The following CALN1 variants were observed in gnomAD, a reference collection of about 807,000 sequenced individuals.
CALN1 encodes calcium-binding protein 8.
In CALN1, 17 loss-of-function variants were observed where a neutral mutation model predicts 30.6. The ratio of observed to expected loss-of-function variants is 0.56; its 90% confidence interval spans 0.38 to 0.83. CALN1 has a LOEUF of 0.83. CALN1 is among the 40% of genes least tolerant of loss of function. CALN1 has a pLI of 0.00. For synonymous variants in CALN1, 156 were observed against 131.4 expected, an observed-to-expected ratio of 1.19 and a Z score of -1.28; for missense variants, 291 against 354.9, an observed-to-expected ratio of 0.82 and a Z score of 1.45.
chr7:72,291,977 G>A (rs1248275451), intron 2 of CALN1, among the ~76,000 whole-genome samples: 1 of 151,356 alleles, frequency 6.6e-6, no homozygotes, highest in Non-Finnish European at 1.5e-5. Flanking sequence ...ACTTCAGCCT[G>A]GGTGACAGAA....
chr7:72,348,140 A>G (rs1802741017), intron 2 of CALN1, among the ~76,000 whole-genome samples: 1 of 152,160 alleles, frequency 6.6e-6, no homozygotes, highest in Non-Finnish European at 1.5e-5. Context: ...AAAGAAACTA[A>G]CGGCAAAAAC....
intron 2 of CALN1, among the ~76,000 whole-genome samples, chr7:72,400,222 C>T (rs1285224742): frequency 1.3e-5 from 2 of 152,308 alleles, no homozygotes; most frequent in East Asian, 3.9e-4. Flanking sequence ...ATAGTGGCAG[C>T]AGCTACGTTC....
intron 5 of CALN1, among the ~76,000 whole-genome samples, chr7:71,970,886 A>G (rs1797760409): frequency 6.6e-6 from 1 of 152,206 alleles, no homozygotes; most frequent in Non-Finnish European, 1.5e-5. Flanking sequence ...TGAGGCTGAT[A>G]GGTTCAGCAA....
rs573229264 is a variant in CALN1, at chr7:71,962,986, G to A, written c.501+60671C>T. 4.6e-5 allele frequency among the ~76,000 whole-genome samples: 7 copies of A among 152,148 alleles called. No homozygotes were observed. In the South Asian group the frequency reaches 1.5e-3, roughly 32 times the overall value. On this transcript the variant is annotated intron_variant, in intron 5 of 6. Transcript: ENST00000395275. Reference sequence around the variant, plus strand: ...TTCTCATATATAAGGATCTCAGTTTGGCCTTCAAATACTACAAAGAGGACA... The same window carrying A: ...TTCTCATATATAAGGATCTCAGTTTAGCCTTCAAATACTACAAAGAGGACA...
At chr7:71,934,533 C>G (rs1055334459) in intron 5 of CALN1, among the ~76,000 whole-genome samples, 1 of 152,118 alleles carries the variant, frequency 6.6e-6, no homozygotes, top group Non-Finnish European at 1.5e-5. Context: ...TGCCACGTGA[C>G]AAGAAAGGGA....
At chr7:71,904,630 C>T (rs887669806) in intron 5 of CALN1, among the ~76,000 whole-genome samples, 3 of 152,094 alleles carry the variant, frequency 2.0e-5, no homozygotes, top group Non-Finnish European at 2.9e-5. Flanking sequence ...AGAGCTCTAT[C>T]GTACAGCAAG....
the CALN1 span, among the ~76,000 whole-genome samples, chr7:72,493,339 C>A: frequency 6.8e-6 from 1 of 146,130 alleles, no homozygotes; most frequent in Non-Finnish European, 1.5e-5. Context: ...ATCAATTATT[C>A]TTTTTTTTTT....
chr7:72,189,019 G>GA (rs1052301894), intron 3 of CALN1, among the ~76,000 whole-genome samples: 2 of 152,130 alleles, frequency 1.3e-5, no homozygotes, highest in East Asian at 1.9e-4. Flanking sequence ...CTCCAGTGAG[G>GA]AAAAAGAGAG....
At chr7:72,077,751 C>T (rs1171355200) in intron 4 of CALN1, among the ~76,000 whole-genome samples, 1 of 152,166 alleles carries the variant, frequency 6.6e-6, no homozygotes, top group Non-Finnish European at 1.5e-5. Flanking sequence ...AGACCACACC[C>T]ATTGTGCTTG....
chr7:72,124,352 T>C (rs558377813), intron 3 of CALN1, among the ~76,000 whole-genome samples: 1 of 152,206 alleles, frequency 6.6e-6, no homozygotes, highest in African/African-American at 2.4e-5. Context: ...TTTGGAAAAT[T>C]AAAAAGCAGA....
intron 5 of CALN1, among the ~76,000 whole-genome samples, chr7:71,922,046 A>C (rs1454428202): frequency 6.6e-6 from 1 of 152,238 alleles, no homozygotes; most frequent in African/African-American, 2.4e-5. Flanking sequence ...ATTGTTGGCC[A>C]AACAGAGGTG....
chr7:72,287,105 AC>A (rs1256539612), intron 2 of CALN1, among the ~76,000 whole-genome samples: 1 of 152,176 alleles, frequency 6.6e-6, no homozygotes, highest in African/African-American at 2.4e-5. Flanking sequence ...CACATAATGC[AC>A]CCATGTACCC....
At chr7:71,818,954 C>A (rs867418204) in intron 5 of CALN1, among the ~76,000 whole-genome samples, 2 of 151,714 alleles carry the variant, frequency 1.3e-5, no homozygotes, top group Non-Finnish European at 2.9e-5. Flanking sequence ...GTGATCTGCC[C>A]GCCTCAGCCT....
intron 3 of CALN1, among the ~76,000 whole-genome samples, chr7:72,108,620 C>T (rs1281467458): frequency 6.6e-6 from 1 of 152,070 alleles, no homozygotes; most frequent in African/African-American, 2.4e-5. Context: ...TTGTTCTTAC[C>T]ATACACCCTG....
chr7:71,948,139 G>A (rs1796500713), intron 5 of CALN1, among the ~76,000 whole-genome samples: 1 of 152,054 alleles, frequency 6.6e-6, no homozygotes, highest in Non-Finnish European at 1.5e-5. Context: ...GCACCCCTGA[G>A]GAAGATGTTT....
chr7:72,106,096 TCA>T, intron 4 of CALN1, 53 bp downstream of exon 4: 1 of 1,586,416 alleles, frequency 6.3e-7, no homozygotes, highest in Non-Finnish European at 8.6e-7. Context: ...ACCGAAGGTC[TCA>T]CTGATGAGAC....
At chr7:72,035,400 TC>T (rs36004195) in intron 4 of CALN1, among the ~76,000 whole-genome samples, 97,974 of 151,986 alleles carry the variant, frequency 0.64, 32,022 homozygotes, top group East Asian at 0.76. Flanking sequence ...ATGCATAAAG[TC>T]CCTCAAGGTT....
chr7:72,262,352 T>C (rs1796323054), intron 3 of CALN1, among the ~76,000 whole-genome samples: 2 of 152,104 alleles, frequency 1.3e-5, no homozygotes, highest in African/African-American at 4.8e-5. Context: ...ATCTTTTTTG[T>C]TTCTTTTTTC....
chr7:72,362,044 G>C (rs1803604669), intron 2 of CALN1, among the ~76,000 whole-genome samples: 1 of 152,036 alleles, frequency 6.6e-6, no homozygotes, highest in Non-Finnish European at 1.5e-5. Context: ...CATTATCTTG[G>C]TAAATAGCAT....
Sources: allele counts gnomAD v4.1 joint callset (sites outside exome capture counted in the v4.1 genomes callset), GRCh38; gene constraint gnomAD v4.1.1; transcripts MANE v1.5; gene names NCBI Gene and HGNC (gene_info 2026-07-23, HGNC 2026-07-21).